The following CFAP77 variants were observed in gnomAD, a reference collection of about 807,000 sequenced individuals.
The protein encoded by CFAP77 is cilia and flagella associated protein 77, also known as cilia- and flagella-associated protein 77.
In CFAP77, 25 loss-of-function variants were observed where a neutral mutation model predicts 31.1. The ratio of observed to expected loss-of-function variants is 0.80; its 90% CI spans 0.59 to 1.12. The LOEUF (loss-of-function observed/expected upper bound fraction) is 1.12, where lower values mean the gene tolerates loss of function less well. Ranked by LOEUF, CFAP77 falls within the 50% of genes most tolerant of loss-of-function variation. The pLI is 0.00. For synonymous variants in CFAP77, 151 were observed against 159.9 expected (o/e 0.94, Z 0.42); for missense variants, 377 against 397.3 (o/e 0.95, Z 0.44).
rs976826941 is a variant in CFAP77, at chr9:132,552,830, C to T, written c.732+9783C>T. 6.6e-6 allele frequency among the ~76,000 whole-genome samples: 1 copy of T among 152,088 alleles called. No individual in the cohort carries two copies. Among genetic ancestry groups the T allele is most frequent in the Non-Finnish European group, 1.5e-5 (1 of 68,022 alleles). On this transcript the variant is annotated intron_variant, in intron 5 of 5. Coordinates refer to ENST00000393216, the MANE Select transcript of CFAP77 (RefSeq NM_001282957.2). The surrounding 1 kb of genome is among the most constrained non-coding windows in gnomAD (Gnocchi z 5.5). The stretch of plus-strand genomic sequence containing the variant: ...AGGGTCAGTGTCAACTCCACTCTTA[C>T]AGTTACGTTCAAATATGTGTTTACT...
At chr9:132,542,751 T>C (rs930709940) in intron 4 of CFAP77, among the ~76,000 whole-genome samples, 195 bp from the exon 5 acceptor site, 7 of 139,548 alleles carry the variant, frequency 5.0e-5, no homozygotes, top group Admixed American at 4.9e-4. Flanking sequence ...CCCAGTCTCC[T>C]GAGCTGTGGC....
At chr9:132,556,578 C>T (rs1589924352) in intron 5 of CFAP77, among the ~76,000 whole-genome samples, 1 of 152,282 alleles carries the variant, frequency 6.6e-6, no homozygotes, top group East Asian at 1.9e-4. Flanking sequence ...TCTCTCCCAC[C>T]CCACCCCCCG....
chr9:132,521,778 T>TTTTTTTTCTG (rs533275755), intron 3 of CFAP77, among the ~76,000 whole-genome samples: 2 of 106,118 alleles, frequency 1.9e-5, no homozygotes, highest in African/African-American at 3.8e-5. Context: ...TTTTTTTTTT[T>TTTTTTTTCTG]TTTTTTGAGA....
chr9:132,463,699 C>G (rs986780929), intron 1 of CFAP77, among the ~76,000 whole-genome samples: 1 of 152,140 alleles, frequency 6.6e-6, no homozygotes, highest in Non-Finnish European at 1.5e-5. Context: ...GAGTGGTGAC[C>G]CCAGTGGGCA....
chr9:132,417,240 G>A (rs1389409231), intron 1 of CFAP77, among the ~76,000 whole-genome samples: 3 of 150,900 alleles, frequency 2.0e-5, no homozygotes, highest in South Asian at 2.1e-4. Context: ...TCAATCTCCT[G>A]AGTAGCTGGG....
chr9:132,531,169 C>G (rs186241530), intron 3 of CFAP77, among the ~76,000 whole-genome samples: 10 of 152,336 alleles, frequency 6.6e-5, no homozygotes, highest in Admixed American at 3.9e-4. Context: ...TTCTGCCTAG[C>G]CTTTCTCTCT....
chr9:132,473,742 G>A (rs2131738238), intron 1 of CFAP77, among the ~76,000 whole-genome samples: 1 of 152,254 alleles, frequency 6.6e-6, no homozygotes, highest in South Asian at 2.1e-4. Flanking sequence ...GGAGCGCAAT[G>A]GTGCGATCTC....
intron 1 of CFAP77, among the ~76,000 whole-genome samples, chr9:132,454,197 A>T (rs569876330): frequency 2.1e-4 from 32 of 152,180 alleles, no homozygotes; most frequent in African/African-American, 7.2e-4. Context: ...CCTAGTTATT[A>T]CTGCAGTATC....
chr9:132,567,344 AGATG>A (rs539773129), intron 5 of CFAP77, among the ~76,000 whole-genome samples: 49 of 152,362 alleles, frequency 3.2e-4, no homozygotes, highest in African/African-American at 1.0e-3. Flanking sequence ...AATATTTTTT[AGATG>A]GATGGATGGA....
intron 4 of CFAP77, among the ~76,000 whole-genome samples, chr9:132,538,225 C>T (rs1376367016): frequency 6.6e-6 from 1 of 152,350 alleles, no homozygotes; most frequent in East Asian, 1.9e-4. Context: ...TTCCAAACAC[C>T]TCCCGTGCAT....
chr9:132,544,520 GGGTCTCACTCTGTCACCCA>G (rs1852703034), intron 5 of CFAP77, among the ~76,000 whole-genome samples: 1 of 144,542 alleles, frequency 6.9e-6, no homozygotes, highest in Non-Finnish European at 1.5e-5. Context: ...TTTTAAGGCT[GGGTCTCACTCTGTCACCCA>G]GGCTGGCGTG....
chr9:132,410,565 G>A, intron 1 of CFAP77, 99 bp downstream of exon 1: 1 of 1,079,242 alleles, frequency 9.3e-7, no homozygotes, highest in Non-Finnish European at 1.3e-6. Context: ...CGCGGCCCGG[G>A]GTCCGAGCGC....
In CFAP77 at chr9:132,554,177, G is replaced by A. The variant is rs1852861459; in HGVS notation, c.732+11130G>A. Among the ~76,000 whole-genome samples, 1 of 152,112 alleles carries A rather than the reference G, an allele frequency of 6.6e-6. No individual in the cohort carries two copies. Among genetic ancestry groups the A allele is most frequent in the South Asian group, 2.1e-4 (1 of 4,818 alleles). ...AGCCCTATGTCCCTAATCATCGAGT[G>A]CACTGTCATGCCTTCTGTTGTGGAA... On this transcript the variant is annotated intron_variant, in intron 5 of 5. Transcript: ENST00000393216. The surrounding 1 kb of genome is among the most constrained non-coding windows in gnomAD (Gnocchi z 4.1).
intron 3 of CFAP77, among the ~76,000 whole-genome samples, chr9:132,510,916 TC>T (rs1182471626): frequency 1.3e-5 from 2 of 152,010 alleles, no homozygotes; most frequent in African/African-American, 2.4e-5. Context: ...GACTCTCTTA[TC>T]CCCATTTTAT....
intron 5 of CFAP77, among the ~76,000 whole-genome samples, chr9:132,551,578 G>A (rs1374405645): frequency 6.6e-6 from 1 of 152,022 alleles, no homozygotes; most frequent in Non-Finnish European, 1.5e-5. Flanking sequence ...TTACAGGCAT[G>A]AGCCACCACG....
chr9:132,572,196 C>A (rs952796290), intron 5 of CFAP77, among the ~76,000 whole-genome samples, 192 bp from the exon 6 acceptor site: 1 of 152,076 alleles, frequency 6.6e-6, no homozygotes, highest in African/African-American at 2.4e-5. Flanking sequence ...GAACAGTTCC[C>A]CCAGGTAGCC....
intron 1 of CFAP77, among the ~76,000 whole-genome samples, chr9:132,448,176 T>C (rs1177443064): frequency 1.4e-5 from 2 of 148,030 alleles, no homozygotes; most frequent in Admixed American, 6.7e-5. Flanking sequence ...CACGCACACA[T>C]GCACACACAC....
At position 132,564,249 on chromosome 9, in the gene CFAP77, A is replaced by G. The variant is rs528336797; in HGVS notation, c.733-8139A>G. On this transcript the variant is annotated intron_variant, in intron 5 of 5. Transcript: ENST00000393216. This position sits in a 1 kb window ranked among gnomAD's most constrained non-coding sequence, Gnocchi z 4.6. ...GGACAAGGGCCACATCTTAGCCTCA[A>G]CCCAGGTCCCATGGACATCTTCTCT... is the stretch of plus-strand genomic sequence containing the variant. Among the ~76,000 whole-genome samples, 7 of 152,328 alleles carry G rather than the reference A, an allele frequency of 4.6e-5. No individual in the cohort carries two copies. In the South Asian group the frequency reaches 6.2e-4, roughly 14 times the overall value.
intron 1 of CFAP77, among the ~76,000 whole-genome samples, chr9:132,496,210 A>T: frequency 6.6e-6 from 1 of 152,284 alleles, no homozygotes; most frequent in Middle Eastern, 3.4e-3. Context: ...TTTTTTTAAA[A>T]AAAACCTTAA....
Sources: gnomAD v4.1 joint callset for allele counts (sites outside exome capture counted in the v4.1 genomes callset) on GRCh38, gnomAD v4.1.1 for gene constraint, Gnocchi (gnomAD v3.1) non-coding constraint, MANE v1.5 for transcripts, NCBI Gene and HGNC (gene_info 2026-07-23, HGNC 2026-07-21) for gene names.